The following OTOGL variants were observed in gnomAD, a reference collection of about 807,000 sequenced individuals.
The protein encoded by OTOGL is otogelin like.
A neutral mutation model predicts 318.5 loss-of-function variants in OTOGL; 285 were observed. That is an observed-to-expected ratio of 0.89 (90% confidence interval 0.81 to 0.99). OTOGL has a LOEUF of 0.99. Among genes scored for constraint, OTOGL ranks in the 50% least tolerant of loss-of-function variants. OTOGL has a pLI of 0.00. For missense variants in OTOGL, 2,899 were observed against 2,845.6 expected (o/e 1.02, Z -0.43); for synonymous variants, 987 against 936.5 (o/e 1.05, Z -0.99).
At chr12:80,228,959 C>T (rs374586285) in intron 7 of OTOGL, among the ~76,000 whole-genome samples, 1 of 152,132 alleles carries the variant, frequency 6.6e-6, no homozygotes, top group Non-Finnish European at 1.5e-5. Flanking sequence ...CAGAGTTTTA[C>T]TATTAGAACT....
Position 80,270,045 on chromosome 12 carries a change from G to A in OTOGL, c.2466-57G>A, listed in dbSNP as rs367961067. On this transcript the variant is annotated intron_variant, in intron 22 of 58. Coordinates refer to ENST00000547103, the MANE Select transcript of OTOGL (RefSeq NM_001378609.3). ...CGTTAGATTGTTGTCGAAATTCAGG[G>A]AAAAAAAAAAAAACAACAGATTTGG... is the stretch of plus-strand genomic sequence containing the variant. 0.017 allele frequency: 15,343 copies of A among 890,996 alleles called. 1,312 individuals are homozygous for A. The African/African-American group carries it at 0.23, about 13-fold the overall frequency. 55.2% of individuals were successfully genotyped at this position (890,996 alleles called of 1,614,324 possible). A position where few individuals can be genotyped will look rare whatever the true frequency, so the allele number is the denominator to read the frequency against.
chr12:80,292,132 G>T (rs989163879), intron 26 of OTOGL, among the ~76,000 whole-genome samples: 3 of 152,050 alleles, frequency 2.0e-5, no homozygotes, highest in Non-Finnish European at 4.4e-5. Context: ...GGGATTACAG[G>T]CATGCGCCAC....
chr12:80,163,517 T>C (rs949166262), intron 1 of OTOGL, among the ~76,000 whole-genome samples: 7 of 152,050 alleles, frequency 4.6e-5, no homozygotes, highest in Non-Finnish European at 8.8e-5. Flanking sequence ...TAATATGGCA[T>C]AGTGGAGGCA....
chr12:80,165,106 A>G (rs1304124031), intron 1 of OTOGL, among the ~76,000 whole-genome samples: 1 of 152,178 alleles, frequency 6.6e-6, no homozygotes, highest in African/African-American at 2.4e-5. Flanking sequence ...TGTGTGGGAT[A>G]CTAGAGTAGG....
intron 1 of OTOGL, among the ~76,000 whole-genome samples, chr12:80,186,406 G>A (rs1875293014): frequency 1.3e-5 from 2 of 152,146 alleles, no homozygotes; most frequent in African/African-American, 2.4e-5. Flanking sequence ...CCTCTCGGAT[G>A]TCTCTTGTAT....
chr12:80,373,822 G>A lies in OTOGL; in HGVS notation c.6781+1758G>A, dbSNP rs562440838. 2.4e-4 allele frequency among the ~76,000 whole-genome samples: 37 copies of A among 152,128 alleles called. No individual in the cohort carries two copies. In the South Asian group the frequency reaches 4.6e-3, roughly 19 times the overall value. Reference sequence around the variant, plus strand: ...GTGATAATGCTAGGAATCTACTGCGGGTCTCATTTCCCGTCCTGCTTCTTA... The same window carrying A: ...GTGATAATGCTAGGAATCTACTGCGAGTCTCATTTCCCGTCCTGCTTCTTA... On this transcript the variant is annotated intron_variant, in intron 57 of 58. Transcript: ENST00000547103.
At position 80,310,520 on chromosome 12, in the gene OTOGL, C is replaced by T. The variant is rs148339339; in HGVS notation, c.3334-91C>T. On this transcript the variant is annotated intron_variant, in intron 29 of 58. Coordinates refer to ENST00000547103, the MANE Select transcript of OTOGL (RefSeq NM_001378609.3). ...TCTAAAAGGATGAGAATATATTAGG[C>T]GCAATTGTAATGAGTGAAGTTGGGT... 1,460 of 780,616 alleles carry T rather than the reference C, an allele frequency of 1.9e-3. 9 individuals carry two copies. Among genetic ancestry groups the T allele is most frequent in the East Asian group, 0.011 (438 of 39,486 alleles). The allele number at this position is 780,616 out of a possible 1,614,324, so 48.4% of individuals were successfully genotyped here.
intron 1 of OTOGL, among the ~76,000 whole-genome samples, chr12:80,196,838 T>C (rs1317938964): frequency 6.6e-6 from 1 of 152,174 alleles, no homozygotes; most frequent in Non-Finnish European, 1.5e-5. Flanking sequence ...TTTCCTCCTC[T>C]AGGCCAGGGC....
At chr12:80,227,505 T>C (rs1156709315) in intron 7 of OTOGL, among the ~76,000 whole-genome samples, 1 of 152,218 alleles carries the variant, frequency 6.6e-6, no homozygotes, top group East Asian at 1.9e-4. Flanking sequence ...AGAATAAGGC[T>C]CTAAAAGCGA....
intron 28 of OTOGL, among the ~76,000 whole-genome samples, chr12:80,304,673 C>T (rs1448322544): frequency 6.6e-6 from 1 of 152,200 alleles, no homozygotes; most frequent in East Asian, 1.9e-4. Context: ...AAATAACCTT[C>T]AGTCATTGCT....
chr12:80,314,710 T>G (rs1886862559), intron 32 of OTOGL, among the ~76,000 whole-genome samples: 1 of 152,150 alleles, frequency 6.6e-6, no homozygotes, highest in Admixed American at 6.5e-5. Context: ...TTTTTAAAAT[T>G]TTATCTTATT....
intron 1 of OTOGL, among the ~76,000 whole-genome samples, chr12:80,152,431 G>A (rs1237358248): frequency 6.6e-6 from 1 of 152,130 alleles, no homozygotes; most frequent in African/African-American, 2.4e-5. Context: ...GCTCGAAGCT[G>A]AAAGGTCAGA....
chr12:80,376,283 A>G (rs888858111), intron 57 of OTOGL, among the ~76,000 whole-genome samples: 2 of 152,126 alleles, frequency 1.3e-5, no homozygotes, highest in Non-Finnish European at 2.9e-5. Flanking sequence ...TTAAATTAGG[A>G]TTTCATGGCT....
chr12:80,126,056 C>T (rs1433412946), intron 1 of OTOGL, among the ~76,000 whole-genome samples: 1 of 152,034 alleles, frequency 6.6e-6, no homozygotes, highest in Non-Finnish European at 1.5e-5. Context: ...CTGCTCTGAT[C>T]TTAGTTATTT....
chr12:80,310,976 T>C (rs1236018365), intron 30 of OTOGL, among the ~76,000 whole-genome samples: 2 of 152,228 alleles, frequency 1.3e-5, no homozygotes, highest in African/African-American at 4.8e-5. Flanking sequence ...TTTGTTCTAG[T>C]TTATGGAACA....
intron 1 of OTOGL, among the ~76,000 whole-genome samples, chr12:80,160,126 C>G (rs1366949069): frequency 6.6e-6 from 1 of 152,032 alleles, no homozygotes; most frequent in Non-Finnish European, 1.5e-5. Context: ...AAATCTAAGA[C>G]CTGAAAATAT....
At chr12:80,190,570 G>T (rs1433445696) in intron 1 of OTOGL, among the ~76,000 whole-genome samples, 2 of 151,914 alleles carry the variant, frequency 1.3e-5, no homozygotes, top group Non-Finnish European at 2.9e-5. Flanking sequence ...GGTGGATCAC[G>T]AGGTCAGGAG....
At chr12:80,162,087 GA>G (rs1873551197) in intron 1 of OTOGL, among the ~76,000 whole-genome samples, 1 of 152,126 alleles carries the variant, frequency 6.6e-6, no homozygotes, top group African/African-American at 2.4e-5. Context: ...ACACAGTTAT[GA>G]AAAGAAATTC....
At chr12:80,322,603 C>T (rs546449912) in intron 34 of OTOGL, among the ~76,000 whole-genome samples, 1 of 152,276 alleles carries the variant, frequency 6.6e-6, no homozygotes, top group African/African-American at 2.4e-5. Context: ...AAGAAACATA[C>T]CTGCTTCCTG....
Sources: allele counts gnomAD v4.1 joint callset (sites outside exome capture counted in the v4.1 genomes callset), GRCh38; gene constraint gnomAD v4.1.1; transcripts MANE v1.5; gene names NCBI Gene and HGNC (gene_info 2026-07-23, HGNC 2026-07-21).